Variants in IMMP1L observed in about 807,000 individuals in gnomAD.
IMMP1L encodes mitochondrial inner membrane protease subunit 1.
A neutral mutation model predicts 21.8 loss-of-function variants in IMMP1L; 24 were observed. The ratio of observed to expected loss-of-function variants is 1.10; its 90% CI spans 0.80 to 1.55. IMMP1L has a LOEUF of 1.55. IMMP1L is among the 40% of genes most tolerant of loss of function. The probability of loss-of-function intolerance (pLI) is 0.00; values close to 1 mark genes in which losing one functional copy is unlikely to be tolerated. For missense variants in IMMP1L, 195 were observed against 200.7 expected (o/e 0.97, Z 0.17); for synonymous variants, 46 against 62.8 (o/e 0.73, Z 1.26).
intron 3 of IMMP1L, among the ~76,000 whole-genome samples, chr11:31,458,509 A>T (rs1438120554): frequency 6.6e-6 from 1 of 152,116 alleles, no homozygotes; most frequent in Non-Finnish European, 1.5e-5. Context: ...AGAGACATCC[A>T]TGTGCTTTAG....
At chr11:31,456,641 T>C (rs1953947955) in intron 3 of IMMP1L, among the ~76,000 whole-genome samples, 1 of 152,092 alleles carries the variant, frequency 6.6e-6, no homozygotes. Flanking sequence ...AACTTTCAGA[T>C]AATTCTACAA....
At chr11:31,499,222 G>T (rs1955542055) in intron 1 of IMMP1L, among the ~76,000 whole-genome samples, 1 of 152,054 alleles carries the variant, frequency 6.6e-6, no homozygotes, top group Non-Finnish European at 1.5e-5. Flanking sequence ...AAAATTAGCT[G>T]GGCGTGGTGG....
intron 4 of IMMP1L, among the ~76,000 whole-genome samples, chr11:31,450,147 A>G (rs1953692764): frequency 6.6e-6 from 1 of 152,212 alleles, no homozygotes; most frequent in Non-Finnish European, 1.5e-5. Context: ...TCGTTAAGCC[A>G]ATAAACCAAT....
chr11:31,462,314 T>TC (rs1369450587), intron 2 of IMMP1L, among the ~76,000 whole-genome samples: 1 of 102,764 alleles, frequency 9.7e-6, no homozygotes, highest in African/African-American at 5.4e-5. Context: ...AGACCCTGTC[T>TC]CCAAAAAAAA....
chr11:31,475,092 T>G (rs1954682740), intron 1 of IMMP1L, among the ~76,000 whole-genome samples: 1 of 152,254 alleles, frequency 6.6e-6, no homozygotes, highest in Non-Finnish European at 1.5e-5. Context: ...GGGATAATTC[T>G]ATAAATTTTC....
At chr11:31,505,944 A>T (rs983757409) in intron 1 of IMMP1L, among the ~76,000 whole-genome samples, 2 of 152,228 alleles carry the variant, frequency 1.3e-5, no homozygotes, top group Non-Finnish European at 2.9e-5. Context: ...TACAGCATCC[A>T]GTAGTCAAAA....
chr11:31,452,966 G>C (rs1953807531), intron 4 of IMMP1L: 3 of 823,096 alleles, frequency 3.6e-6, no homozygotes, highest in African/African-American at 1.8e-5. Context: ...TGGGCAGGCT[G>C]GTCTCAAACT....
In IMMP1L at chr11:31,432,453, T is replaced by G. The variant is rs574272206; in HGVS notation, c.*47A>C. The G allele has an allele frequency of 9.5e-5, 125 of 1,312,992 alleles. 1 individual carries two copies. The South Asian group carries it at 1.4e-3, about 15-fold the overall frequency. 81.3% of individuals were successfully genotyped at this position (1,312,992 alleles called of 1,614,324 possible). On this transcript the variant is annotated 3_prime_UTR_variant, in exon 6 of 6. Transcript: ENST00000532287. The stretch of plus-strand genomic sequence containing the variant: ...ACACGGTTTCAACGGGAGTAATAAA[T>G]TCACATGAAAAGGAGACAATAATCA...
At chr11:31,482,167 C>A (rs1292127834) in intron 1 of IMMP1L, among the ~76,000 whole-genome samples, 1 of 152,012 alleles carries the variant, frequency 6.6e-6, no homozygotes, top group Non-Finnish European at 1.5e-5. Context: ...CTCATTTTTT[C>A]TGTCTCCAGA....
intron 1 of IMMP1L, among the ~76,000 whole-genome samples, chr11:31,467,804 G>A: frequency 1.3e-5 from 2 of 148,150 alleles, no homozygotes. Context: ...TTTTACAAAG[G>A]GAACAAGGTA....
At position 31,466,567 on chromosome 11, in the gene IMMP1L, CTA is replaced by C. The variant is rs1362418789; in HGVS notation, c.-29-3264_-29-3263del. On this transcript the variant is annotated intron_variant, in intron 1 of 5. Coordinates refer to ENST00000532287, the MANE Select transcript of IMMP1L (RefSeq NM_001304274.2). ...CATGCTATACATACACAATGGAATA[CTA>C]TTCAGCCACAAGGAGAATGAAATCC... 2.0e-5 allele frequency among the ~76,000 whole-genome samples: 3 copies of C among 152,044 alleles called. No individual in the cohort carries two copies. The East Asian group carries it at 5.8e-4, about 29-fold the overall frequency.
chr11:31,504,330 T>C (rs1163776964), intron 1 of IMMP1L, among the ~76,000 whole-genome samples: 1 of 152,170 alleles, frequency 6.6e-6, no homozygotes, highest in Non-Finnish European at 1.5e-5. Flanking sequence ...TTATCCAAAA[T>C]ATAAAAGAAC....
intron 4 of IMMP1L, among the ~76,000 whole-genome samples, chr11:31,445,145 A>G (rs1953470823): frequency 6.6e-6 from 1 of 152,240 alleles, no homozygotes; most frequent in Admixed American, 6.5e-5. Flanking sequence ...GATGAGCCCA[A>G]CTTAATTCAA....
At chr11:31,476,553 C>T (rs914031893) in intron 1 of IMMP1L, among the ~76,000 whole-genome samples, 2 of 151,786 alleles carry the variant, frequency 1.3e-5, no homozygotes, top group African/African-American at 4.8e-5. Flanking sequence ...ACTTTAGTCA[C>T]CTATATTTAG....
rs1354461157 is a variant in IMMP1L, at chr11:31,436,982, TCA to T, written c.322-3414_322-3413del. On this transcript the variant is annotated intron_variant, in intron 4 of 5. Transcript: ENST00000532287. Reference sequence around the variant, plus strand: ...GATTGCCTACATCTCAGACAACACTTCATGTAAAGTACACAAATCAAGGAAAC... The same window carrying T: ...GATTGCCTACATCTCAGACAACACTTTGTAAAGTACACAAATCAAGGAAAC... 8.6e-5 allele frequency: 20 copies of T among 232,248 alleles called. 1 individual carries two copies. The highest frequency in any genetic ancestry group is 6.6e-4 in the Admixed American group (15 of 22,784). The allele number at this position is 232,248 out of a possible 1,614,324, so 14.4% of individuals were successfully genotyped here. A position where few individuals can be genotyped will look rare whatever the true frequency, so the allele number is the denominator to read the frequency against.
chr11:31,448,938 C>T (rs1041961528), intron 4 of IMMP1L: 18 of 985,140 alleles, frequency 1.8e-5, no homozygotes, highest in Admixed American at 6.2e-5. Flanking sequence ...GAAAAAGTCA[C>T]GTCACCTCCG....
chr11:31,496,092 G>A (rs1458288512), intron 1 of IMMP1L, among the ~76,000 whole-genome samples: 1 of 144,346 alleles, frequency 6.9e-6, no homozygotes, highest in Non-Finnish European at 1.5e-5. Flanking sequence ...AATATATAAA[G>A]AACTCCTATA....
chr11:31,470,950 G>A (rs947411698), intron 1 of IMMP1L, among the ~76,000 whole-genome samples: 6 of 152,194 alleles, frequency 3.9e-5, no homozygotes, highest in Admixed American at 3.9e-4. Context: ...ATAGAATAGT[G>A]ATTATTAGAG....
At chr11:31,498,609 C>A (rs2133817378) in intron 1 of IMMP1L, among the ~76,000 whole-genome samples, 1 of 152,274 alleles carries the variant, frequency 6.6e-6, no homozygotes, top group East Asian at 1.9e-4. Context: ...TATCCATAAA[C>A]TGGCTACATA....
Sources: gnomAD v4.1 joint callset for allele counts (sites outside exome capture counted in the v4.1 genomes callset) on GRCh38, gnomAD v4.1.1 for gene constraint, MANE v1.5 for transcripts, NCBI Gene and HGNC (gene_info 2026-07-23, HGNC 2026-07-21) for gene names.